CENPW: variants seen among roughly 807,000 people sequenced by gnomAD.
CENPW encodes the protein centromere protein W.
CENPW carries 3 observed loss-of-function variants against 11.1 expected under a neutral mutation model. The ratio of observed to expected loss-of-function variants is 0.27; its 90% CI spans 0.12 to 0.70. The LOEUF is 0.70. Among genes scored for constraint, CENPW ranks in the 30% least tolerant of loss-of-function variants. The pLI is 0.77. For synonymous variants in CENPW, 38 were observed against 42.0 expected (o/e 0.91, Z 0.37); for missense variants, 100 against 105.6 (o/e 0.95, Z 0.23).
chr6:126,358,622 A>G, the CENPW span, among the ~76,000 whole-genome samples: 2 of 152,164 alleles, frequency 1.3e-5, no homozygotes, highest in African/African-American at 4.8e-5. Flanking sequence ...TATTTTGTTA[A>G]GGATTTTTGC....
At chr6:126,382,800 C>G in the CENPW span, among the ~76,000 whole-genome samples, 5 of 152,118 alleles carry the variant, frequency 3.3e-5, no homozygotes, top group African/African-American at 9.7e-5. Flanking sequence ...GAGACCAAGT[C>G]AACAACTCCT....
At chr6:126,459,841 G>A in the CENPW span, among the ~76,000 whole-genome samples, 1 of 151,190 alleles carries the variant, frequency 6.6e-6, no homozygotes, top group Non-Finnish European at 1.5e-5. Context: ...TGTAATTCGG[G>A]GACAAACAGA....
chr6:126,439,578 C>T, the CENPW span, among the ~76,000 whole-genome samples: 1 of 149,048 alleles, frequency 6.7e-6, no homozygotes, highest in Non-Finnish European at 1.5e-5. Context: ...AAGTTTCAGT[C>T]TATCAATCAA....
chr6:126,411,002 C>T, the CENPW span, among the ~76,000 whole-genome samples: 10 of 152,048 alleles, frequency 6.6e-5, no homozygotes, highest in African/African-American at 2.4e-4. Flanking sequence ...TTCATTAGGA[C>T]CTTTTAGTAG....
chr6:126,348,138 T>C lies in CENPW; in HGVS notation c.241-328T>C, dbSNP rs184904786. ...ACTCCTAATTTAGATAACTAAATTG[T>C]CTAAAAATTTCAAATTCGAAACCAT... is the stretch of plus-strand genomic sequence containing the variant. On this transcript the variant is annotated intron_variant, in intron 2 of 2. Transcript: ENST00000368328. 6.4e-4 allele frequency among the ~76,000 whole-genome samples: 98 copies of C among 152,098 alleles called. 1 individual carries two copies. The highest frequency in any genetic ancestry group is 2.2e-3 in the African/African-American group (90 of 41,570).
At chr6:126,361,555 A>T in the CENPW span, among the ~76,000 whole-genome samples, 6 of 152,168 alleles carry the variant, frequency 3.9e-5, no homozygotes, top group African/African-American at 1.4e-4. Flanking sequence ...TTGGCCTCCC[A>T]AAGTGCTGGG....
the CENPW span, among the ~76,000 whole-genome samples, chr6:126,413,992 A>G: frequency 6.6e-6 from 1 of 152,036 alleles, no homozygotes; most frequent in Non-Finnish European, 1.5e-5. Context: ...CACTCAAATG[A>G]AAACAAAAAG....
the CENPW span, among the ~76,000 whole-genome samples, chr6:126,453,719 ATAT>A: frequency 6.6e-6 from 1 of 151,210 alleles, no homozygotes; most frequent in Non-Finnish European, 1.5e-5. Context: ...TTAAGCTTAA[ATAT>A]AAATGGGCTA....
chr6:126,462,383 T>A, the CENPW span, among the ~76,000 whole-genome samples: 2 of 151,966 alleles, frequency 1.3e-5, no homozygotes, highest in African/African-American at 4.8e-5. Flanking sequence ...GTGATTTGGT[T>A]TAGATTCTTT....
At chr6:126,478,019 A>T in the CENPW span, among the ~76,000 whole-genome samples, 3 of 152,068 alleles carry the variant, frequency 2.0e-5, no homozygotes, top group African/African-American at 7.2e-5. Flanking sequence ...CCTAAGTAGT[A>T]CTTAACTCTT....
At chr6:126,408,496 C>G in the CENPW span, among the ~76,000 whole-genome samples, 1 of 152,118 alleles carries the variant, frequency 6.6e-6, no homozygotes, top group Non-Finnish European at 1.5e-5. Flanking sequence ...CTGGAAACCT[C>G]TCATGACACT....
the CENPW span, among the ~76,000 whole-genome samples, chr6:126,462,461 CT>C: frequency 6.7e-6 from 1 of 149,238 alleles, no homozygotes; most frequent in East Asian, 2.0e-4. Flanking sequence ...AAAATGAAAA[CT>C]TTTATCTCTT....
At chr6:126,436,855 G>T in the CENPW span, among the ~76,000 whole-genome samples, 1 of 151,856 alleles carries the variant, frequency 6.6e-6, no homozygotes, top group South Asian at 2.1e-4. Context: ...TTAGGCATAT[G>T]GCCTGCTTTC....
the CENPW span, among the ~76,000 whole-genome samples, chr6:126,414,800 A>AT: frequency 1.0e-4 from 15 of 150,628 alleles, no homozygotes; most frequent in African/African-American, 3.6e-4. Flanking sequence ...AAATAAAACT[A>AT]AAAAAAAAGA....
the CENPW span, among the ~76,000 whole-genome samples, chr6:126,417,553 T>C: frequency 6.6e-6 from 1 of 152,116 alleles, no homozygotes; most frequent in Admixed American, 6.5e-5. Flanking sequence ...AATCAAATAA[T>C]GGGTGTGGGT....
the CENPW span, among the ~76,000 whole-genome samples, chr6:126,433,167 A>G: frequency 6.6e-6 from 1 of 152,222 alleles, no homozygotes; most frequent in African/African-American, 2.4e-5. Context: ...TTTCATTTAG[A>G]AACACATATT....
intron 1 of CENPW, 41 bp downstream of exon 1, chr6:126,340,440 G>A (rs777804656): frequency 8.7e-6 from 14 of 1,614,034 alleles, no homozygotes; most frequent in Non-Finnish European, 1.2e-5. Context: ...TGGGGCACGG[G>A]AGAGGTAAGG....
the CENPW span, among the ~76,000 whole-genome samples, chr6:126,364,931 C>T: frequency 2.6e-5 from 4 of 152,174 alleles, no homozygotes; most frequent in Non-Finnish European, 4.4e-5. Flanking sequence ...GAAAGATAGT[C>T]ACAATTATTC....
chr6:126,435,779 C>T, the CENPW span, among the ~76,000 whole-genome samples: 1 of 151,846 alleles, frequency 6.6e-6, no homozygotes, highest in African/African-American at 2.4e-5. Context: ...TGGACCACTG[C>T]CCTTCCCACA....
Sources: allele counts gnomAD v4.1 joint callset (sites outside exome capture counted in the v4.1 genomes callset), GRCh38; gene constraint gnomAD v4.1.1; transcripts MANE v1.5; gene names NCBI Gene and HGNC (gene_info 2026-07-23, HGNC 2026-07-21).